Variants in BAZ2B observed in about 807,000 individuals in gnomAD.
BAZ2B encodes the protein bromodomain adjacent to zinc finger domain protein 2B.
Under a neutral mutation model 246.0 loss-of-function variants are expected in BAZ2B, and 91 were observed. The observed-to-expected ratio is 0.37, with a 90% CI of 0.31 to 0.44. The LOEUF is 0.44. Among genes scored for constraint, BAZ2B ranks in the 20% least tolerant of loss-of-function variants. The pLI is 1.00. For synonymous variants in BAZ2B, 855 were observed against 860.0 expected, an observed-to-expected ratio of 0.99 and a Z score of 0.10; for missense variants, 2,332 against 2,533.7, an observed-to-expected ratio of 0.92 and a Z score of 1.71.
intron 2 of BAZ2B, among the ~76,000 whole-genome samples, chr2:159,547,033 AAAAAG>A (rs1341730518): frequency 4.6e-5 from 7 of 152,224 alleles, no homozygotes; most frequent in Non-Finnish European, 1.0e-4. Flanking sequence ...GAGTTTAGAA[AAAAAG>A]ACACACAGGA....
intron 1 of BAZ2B, among the ~76,000 whole-genome samples, chr2:159,606,922 AT>A (rs5835752): frequency 1.3e-4 from 18 of 139,028 alleles, no homozygotes; most frequent in African/African-American, 1.9e-4. Context: ...TGGGATTTCT[AT>A]TTTTTTTTTT....
At chr2:159,702,821 A>T in the BAZ2B span, among the ~76,000 whole-genome samples, 4 of 152,092 alleles carry the variant, frequency 2.6e-5, no homozygotes, top group Non-Finnish European at 5.9e-5. Flanking sequence ...CGGGCGGATC[A>T]TGAGGTCAGG....
At chr2:159,500,641 C>G (rs957120154) in intron 2 of BAZ2B, among the ~76,000 whole-genome samples, 1 of 152,132 alleles carries the variant, frequency 6.6e-6, no homozygotes, top group Non-Finnish European at 1.5e-5. Flanking sequence ...GTCTTAATAT[C>G]ACCTGCATTA....
chr2:159,648,719 G>A, the BAZ2B span, among the ~76,000 whole-genome samples: 1 of 151,804 alleles, frequency 6.6e-6, no homozygotes, highest in Admixed American at 6.6e-5. Context: ...CCTACTCTTG[G>A]GTTAATATTT....
chr2:159,446,719 C>T (rs1047487868), intron 6 of BAZ2B, 63 bp downstream of exon 6: 5 of 1,391,630 alleles, frequency 3.6e-6, no homozygotes, highest in African/African-American at 1.4e-5. Context: ...GTTGATTTGA[C>T]CTTCAGAATG....
intron 13 of BAZ2B, among the ~76,000 whole-genome samples, chr2:159,422,982 A>G (rs1169185996): frequency 5.3e-5 from 8 of 152,300 alleles, no homozygotes. Context: ...TGCAAATCAA[A>G]ACCACAATGA....
chr2:159,418,386 A>C (rs1188366181), intron 13 of BAZ2B, among the ~76,000 whole-genome samples: 3 of 152,124 alleles, frequency 2.0e-5, no homozygotes, highest in Non-Finnish European at 4.4e-5. Flanking sequence ...TTCATGAGGG[A>C]CTGGTTTGTT....
At chr2:159,677,408 G>A in the BAZ2B span, among the ~76,000 whole-genome samples, 1 of 151,778 alleles carries the variant, frequency 6.6e-6, no homozygotes. Flanking sequence ...ATTATATGTA[G>A]AAGACATAAA....
At chr2:159,328,871 T>C (rs949590692) in intron 34 of BAZ2B, among the ~76,000 whole-genome samples, 1 of 152,198 alleles carries the variant, frequency 6.6e-6, no homozygotes, top group Non-Finnish European at 1.5e-5. Flanking sequence ...CTCATGCCTG[T>C]AATCCCAGCA....
intron 20 of BAZ2B, among the ~76,000 whole-genome samples, chr2:159,390,412 A>G (rs1200186541): frequency 2.0e-5 from 3 of 152,104 alleles, no homozygotes; most frequent in Non-Finnish European, 4.4e-5. Flanking sequence ...CACTCCAATC[A>G]AGATCTTCAT....
the BAZ2B span, among the ~76,000 whole-genome samples, chr2:159,685,061 T>TA: frequency 6.6e-6 from 1 of 152,196 alleles, no homozygotes; most frequent in African/African-American, 2.4e-5. Flanking sequence ...TATGCCTTTT[T>TA]ATGTATGCAT....
intron 14 of BAZ2B, among the ~76,000 whole-genome samples, chr2:159,410,423 A>AT (rs1368066558): frequency 6.6e-6 from 1 of 152,174 alleles, no homozygotes; most frequent in Non-Finnish European, 1.5e-5. Flanking sequence ...GTTTCCCCCC[A>AT]TGCTGTTCTC....
chr2:159,637,605 T>C, the BAZ2B span, among the ~76,000 whole-genome samples: 6 of 152,222 alleles, frequency 3.9e-5, no homozygotes, highest in African/African-American at 1.4e-4. Context: ...TCACCTAGGC[T>C]GGAGTGCAGT....
intron 34 of BAZ2B, among the ~76,000 whole-genome samples, chr2:159,331,303 G>C (rs2064724471): frequency 6.6e-6 from 1 of 152,204 alleles, no homozygotes; most frequent in East Asian, 1.9e-4. Flanking sequence ...AGTTGAGAAT[G>C]AAGATGGAGG....
chr2:159,404,996 G>A, intron 15 of BAZ2B, 26 bp downstream of exon 15: 1 of 1,612,804 alleles, frequency 6.2e-7, no homozygotes, highest in Non-Finnish European at 8.5e-7. Context: ...GACTCTTCGA[G>A]TTTATGTTAC....
intron 9 of BAZ2B, 51 bp downstream of exon 9, chr2:159,432,706 T>C (rs1324373462): frequency 6.4e-7 from 1 of 1,557,096 alleles, no homozygotes; most frequent in Admixed American, 1.9e-5. Context: ...TTAAAATGTT[T>C]GGTTCACATA....
At chr2:159,358,197 G>T (rs996717235) in intron 27 of BAZ2B, among the ~76,000 whole-genome samples, 2 of 152,186 alleles carry the variant, frequency 1.3e-5, no homozygotes, top group African/African-American at 4.8e-5. Flanking sequence ...AGACCCTTTG[G>T]TGTGCTGTAT....
chr2:159,693,224 T>C, the BAZ2B span: 1 of 152,102 alleles, frequency 6.6e-6, no homozygotes, highest in Non-Finnish European at 1.5e-5. Context: ...ATTGGTATTA[T>C]CCATGTTCAA....
intron 1 of BAZ2B, among the ~76,000 whole-genome samples, chr2:159,601,735 A>G (rs1188517553): frequency 2.6e-5 from 4 of 151,416 alleles, no homozygotes; most frequent in Non-Finnish European, 5.9e-5. Context: ...ATAAAAAAAA[A>G]GATAGAAATA....
Sources: allele counts gnomAD v4.1 joint callset (sites outside exome capture counted in the v4.1 genomes callset), GRCh38; gene constraint gnomAD v4.1.1; transcripts MANE v1.5; gene names NCBI Gene and HGNC (gene_info 2026-07-23, HGNC 2026-07-21).